RBFOX1: variants seen among roughly 807,000 people sequenced by gnomAD.
RBFOX1 encodes the protein RNA binding protein fox-1 homolog 1.
Under a neutral mutation model 57.7 loss-of-function variants are expected in RBFOX1, and 8 were observed. The observed-to-expected ratio is 0.14, with a 90% confidence interval of 0.08 to 0.25. The LOEUF is 0.25. Among genes scored for constraint, RBFOX1 ranks in the 10% least tolerant of loss-of-function variants. The probability of loss-of-function intolerance (pLI) is 1.00; values close to 1 mark genes in which losing one functional copy is unlikely to be tolerated. For missense variants in RBFOX1, 611 were observed against 548.5 expected (o/e 1.11, Z -1.14); for synonymous variants, 326 against 222.4 (o/e 1.47, Z -4.15).
In RBFOX1 at chr16:6,245,557, C is replaced by T. The variant is rs185050838; in HGVS notation, c.-126-71438C>T. Among the ~76,000 whole-genome samples the T allele has an allele frequency of 4.0e-4, 61 of 152,214 alleles. 1 individual carries two copies. Among genetic ancestry groups the T allele is most frequent in the African/African-American group, 1.0e-3 (43 of 41,550 alleles). ...GCAGTGCAACATCTAGCAGGTTTTA[C>T]GGTTGGACCTGTTTCTTTATTGCCC... On this transcript the variant is annotated intron_variant, in intron 1 of 15. Coordinates refer to ENST00000550418, the MANE Select transcript of RBFOX1 (RefSeq NM_018723.4).
chr16:6,893,533 G>C (rs1176886422), intron 3 of RBFOX1, among the ~76,000 whole-genome samples: 3 of 152,076 alleles, frequency 2.0e-5, no homozygotes, highest in Admixed American at 2.0e-4. Context: ...TCAGAAAGTG[G>C]AGTTCTGAAT....
At chr16:6,782,419 C>T (rs755477711) in intron 3 of RBFOX1, among the ~76,000 whole-genome samples, 47 of 152,190 alleles carry the variant, frequency 3.1e-4, no homozygotes, top group African/African-American at 5.1e-4. Context: ...TATTCAGGAG[C>T]ATGTTATTTA....
intron 4 of RBFOX1, among the ~76,000 whole-genome samples, chr16:7,191,042 C>T (rs189331694): frequency 2.0e-5 from 3 of 152,152 alleles, no homozygotes; most frequent in Non-Finnish European, 2.9e-5. Context: ...ATGATCAATC[C>T]TATTCGGGGA....
chr16:5,434,051 G>A (rs1032296745), intron 1 of RBFOX1, among the ~76,000 whole-genome samples: 1 of 151,994 alleles, frequency 6.6e-6, no homozygotes, highest in African/African-American at 2.4e-5. Context: ...GGAGAAGGGG[G>A]TGTCTGACAT....
At chr16:7,624,488 A>G (rs558053367) in intron 10 of RBFOX1, among the ~76,000 whole-genome samples, 1 of 152,324 alleles carries the variant, frequency 6.6e-6, no homozygotes, top group African/African-American at 2.4e-5. Context: ...AAACGTGATA[A>G]CATGTCATCC....
chr16:7,548,905 A>T (rs1283678706), intron 5 of RBFOX1, among the ~76,000 whole-genome samples: 1 of 152,066 alleles, frequency 6.6e-6, no homozygotes, highest in Non-Finnish European at 1.5e-5. Context: ...TGAAGACCTG[A>T]CCTCTCTGGC....
At chr16:7,058,886 A>G (rs1439181570) in intron 4 of RBFOX1, among the ~76,000 whole-genome samples, 1 of 152,224 alleles carries the variant, frequency 6.6e-6, no homozygotes, top group Non-Finnish European at 1.5e-5. Flanking sequence ...ATAATGTTAC[A>G]TATTGCCCGC....
At chr16:6,734,818 A>G (rs147555576) in intron 3 of RBFOX1, among the ~76,000 whole-genome samples, 3 of 152,308 alleles carry the variant, frequency 2.0e-5, no homozygotes, top group Non-Finnish European at 4.4e-5. Flanking sequence ...CGAAATCTAG[A>G]TGCATAAAGC....
intron 1 of RBFOX1, among the ~76,000 whole-genome samples, chr16:6,277,249 C>G (rs916812876): frequency 1.6e-4 from 25 of 151,910 alleles, no homozygotes; most frequent in African/African-American, 6.0e-4. Flanking sequence ...TAACTTCACC[C>G]TAGGAGTTTG....
chr16:6,669,270 C>T (rs1024721812), intron 3 of RBFOX1, among the ~76,000 whole-genome samples: 3 of 152,196 alleles, frequency 2.0e-5, no homozygotes, highest in South Asian at 2.1e-4. Flanking sequence ...CGTGTGTGTG[C>T]GTTTGTCTAT....
intron 2 of RBFOX1, among the ~76,000 whole-genome samples, chr16:5,576,361 G>A (rs925274927): frequency 6.6e-6 from 1 of 152,032 alleles, no homozygotes; most frequent in South Asian, 2.1e-4. Context: ...TTCTCCTTCA[G>A]TCCCTCCCTA....
chr16:6,961,452 A>G (rs974658978), intron 3 of RBFOX1, among the ~76,000 whole-genome samples: 10 of 152,202 alleles, frequency 6.6e-5, no homozygotes, highest in Non-Finnish European at 1.3e-4. Flanking sequence ...GTTATCAGAA[A>G]GGGGTCCCGA....
chr16:7,390,871 T>C (rs2097997864), intron 4 of RBFOX1, among the ~76,000 whole-genome samples: 1 of 152,054 alleles, frequency 6.6e-6, no homozygotes, highest in South Asian at 2.1e-4. Flanking sequence ...CCTGGGGATA[T>C]GGAGAGTTGG....
At chr16:5,733,957 T>C (rs1691444660) in intron 3 of RBFOX1, among the ~76,000 whole-genome samples, 1 of 152,092 alleles carries the variant, frequency 6.6e-6, no homozygotes, top group South Asian at 2.1e-4. Context: ...CTTCCTGACC[T>C]CGACCCTTCT....
At chr16:6,882,653 T>A (rs1456243960) in intron 3 of RBFOX1, among the ~76,000 whole-genome samples, 1 of 152,142 alleles carries the variant, frequency 6.6e-6, no homozygotes, top group African/African-American at 2.4e-5. Context: ...GTGCAGTGTC[T>A]AGCACTTGGC....
At chr16:7,241,428 G>A (rs182577590) in intron 4 of RBFOX1, among the ~76,000 whole-genome samples, 4 of 152,214 alleles carry the variant, frequency 2.6e-5, no homozygotes, top group African/African-American at 7.2e-5. Flanking sequence ...GCATTCCAAC[G>A]TCTAAGTGTG....
intron 4 of RBFOX1, among the ~76,000 whole-genome samples, chr16:7,324,178 C>A (rs1329258404): frequency 6.6e-6 from 1 of 152,166 alleles, no homozygotes; most frequent in Non-Finnish European, 1.5e-5. Flanking sequence ...ATCTGATGAG[C>A]CTTCTATCCA....
At chr16:6,082,430 G>C (rs143786934) in intron 1 of RBFOX1, among the ~76,000 whole-genome samples, 51 of 130,822 alleles carry the variant, frequency 3.9e-4, no homozygotes, top group African/African-American at 1.5e-3. Flanking sequence ...CCTGACCTCA[G>C]AGTGCTGGGA....
At chr16:6,999,426 A>AT (rs945746434) in intron 3 of RBFOX1, among the ~76,000 whole-genome samples, 20 of 150,524 alleles carry the variant, frequency 1.3e-4, no homozygotes, top group African/African-American at 4.1e-4. Flanking sequence ...ACTCATTCTG[A>AT]TTTTTTTTAA....
Sources: gnomAD v4.1 joint callset for allele counts (sites outside exome capture counted in the v4.1 genomes callset) on GRCh38, gnomAD v4.1.1 for gene constraint, MANE v1.5 for transcripts, NCBI Gene and HGNC (gene_info 2026-07-23, HGNC 2026-07-21) for gene names.